MARCHF1: variants seen among roughly 807,000 people sequenced by gnomAD.
The protein encoded by MARCHF1 is E3 ubiquitin-protein ligase MARCHF1.
Under a neutral mutation model 54.2 loss-of-function variants are expected in MARCHF1, and 40 were observed. That is an observed-to-expected ratio of 0.74 (90% CI 0.57 to 0.96). MARCHF1 has a LOEUF of 0.96. Ranked by LOEUF, MARCHF1 falls within the 40% of genes least tolerant of loss-of-function variation. The probability of loss-of-function intolerance (pLI) is 0.00; values close to 1 mark genes in which losing one functional copy is unlikely to be tolerated. For synonymous variants in MARCHF1, 236 were observed against 236.3 expected, an observed-to-expected ratio of 1.00 and a Z score of 0.01; for missense variants, 586 against 656.5, an observed-to-expected ratio of 0.89 and a Z score of 1.17.
rs34642436 is a variant in MARCHF1, at chr4:164,050,275, C to CAAAA, written c.-248+61309_-248+61312dup. Among the ~76,000 whole-genome samples the CAAAA allele has an allele frequency of 9.0e-4, 36 of 40,192 alleles. 1 individual carries two copies. The highest frequency in any genetic ancestry group is 1.9e-3 in the African/African-American group (19 of 10,156). The allele number at this position is 40,192 out of a possible 152,430, so 26.4% of individuals were successfully genotyped here. Reference sequence around the variant, plus strand: ...GGGCGACGGAGCGAGACACTGTCTCCAAAAAAAAAAAAAAAAAAAAAAAAA... The same window carrying CAAAA: ...GGGCGACGGAGCGAGACACTGTCTCCAAAAAAAAAAAAAAAAAAAAAAAAAAAAA... On this transcript the variant is annotated intron_variant, in intron 2 of 9. Coordinates refer to ENST00000514618, the MANE Select transcript of MARCHF1 (RefSeq NM_001394959.1).
chr4:163,711,016 A>T (rs1458197998), intron 4 of MARCHF1, among the ~76,000 whole-genome samples: 1 of 151,984 alleles, frequency 6.6e-6, no homozygotes, highest in East Asian at 1.9e-4. Context: ...GAGAACAAAA[A>T]ACTTGCCACA....
At chr4:164,370,689 A>G (rs865861070) in intron 1 of MARCHF1, among the ~76,000 whole-genome samples, 3 of 152,208 alleles carry the variant, frequency 2.0e-5, no homozygotes, top group African/African-American at 4.8e-5. Flanking sequence ...CGGGCAGATC[A>G]CCTGAGGTCA....
intron 4 of MARCHF1, among the ~76,000 whole-genome samples, chr4:163,749,453 C>T (rs1746456664): frequency 6.6e-6 from 1 of 151,874 alleles, no homozygotes; most frequent in Admixed American, 6.6e-5. Flanking sequence ...CCTGGAAATC[C>T]AGTAAAATAT....
intron 1 of MARCHF1, among the ~76,000 whole-genome samples, chr4:164,146,736 G>T (rs1729756371): frequency 6.6e-6 from 1 of 152,098 alleles, no homozygotes; most frequent in Admixed American, 6.6e-5. Context: ...GAAAACCTAG[G>T]CTTTACCATT....
At chr4:163,873,066 CA>C (rs914185405) in intron 3 of MARCHF1, among the ~76,000 whole-genome samples, 16 of 132,704 alleles carry the variant, frequency 1.2e-4, no homozygotes, top group African/African-American at 4.4e-4. Context: ...AACAAACAAA[CA>C]AAAAAAAACA....
At chr4:163,703,194 A>C (rs1005271585) in intron 4 of MARCHF1, among the ~76,000 whole-genome samples, 1 of 152,178 alleles carries the variant, frequency 6.6e-6, no homozygotes, top group African/African-American at 2.4e-5. Flanking sequence ...AGCTTTCTTT[A>C]AAAATCATGG....
chr4:163,676,427 A>T (rs1743923128), intron 5 of MARCHF1, among the ~76,000 whole-genome samples: 2 of 152,004 alleles, frequency 1.3e-5, no homozygotes, highest in Non-Finnish European at 1.5e-5. Flanking sequence ...AAGCAGCATA[A>T]CAGCAAGAAG....
At chr4:164,022,951 C>T (rs1753695137) in intron 2 of MARCHF1, among the ~76,000 whole-genome samples, 1 of 152,212 alleles carries the variant, frequency 6.6e-6, no homozygotes, top group African/African-American at 2.4e-5. Context: ...CCTGGGAGCA[C>T]TTTCCTGGCA....
intron 2 of MARCHF1, among the ~76,000 whole-genome samples, chr4:164,056,222 G>T (rs1278166660): frequency 6.6e-6 from 1 of 152,128 alleles, no homozygotes; most frequent in African/African-American, 2.4e-5. Context: ...CCTCCAGGCT[G>T]CCCAGGCTCA....
At chr4:163,569,095 A>G (rs1739745400) in intron 8 of MARCHF1, among the ~76,000 whole-genome samples, 1 of 152,120 alleles carries the variant, frequency 6.6e-6, no homozygotes, top group Admixed American at 6.6e-5. Context: ...CCAAATAGTT[A>G]TCACTGGATC....
In MARCHF1 at chr4:163,976,552, G is replaced by A. The variant is rs142266450; in HGVS notation, c.-39+11949C>T. Among the ~76,000 whole-genome samples the A allele has an allele frequency of 2.0e-4, 31 of 152,264 alleles. No homozygotes were observed. In the East Asian group the frequency reaches 4.8e-3, roughly 24 times the overall value. ...CTATATCCACTCCCTTTGCATCTGG[G>A]TAGTTATGGGAGCAATTGTTTTAAC... On this transcript the variant is annotated intron_variant, in intron 3 of 9. Coordinates refer to ENST00000514618, the MANE Select transcript of MARCHF1 (RefSeq NM_001394959.1).
intron 2 of MARCHF1, among the ~76,000 whole-genome samples, chr4:164,006,305 T>TA (rs1325056396): frequency 6.6e-6 from 1 of 151,946 alleles, no homozygotes; most frequent in East Asian, 1.9e-4. Flanking sequence ...ATCATAGAAC[T>TA]AAAAAAGACA....
At chr4:164,065,678 G>T (rs1579505010) in intron 2 of MARCHF1, among the ~76,000 whole-genome samples, 1 of 152,250 alleles carries the variant, frequency 6.6e-6, no homozygotes, top group East Asian at 1.9e-4. Flanking sequence ...GAAGAAAGAA[G>T]CCACTAGTGA....
chr4:163,889,811 C>G (rs1168190788), intron 3 of MARCHF1, among the ~76,000 whole-genome samples: 1 of 148,880 alleles, frequency 6.7e-6, no homozygotes, highest in Non-Finnish European at 1.5e-5. Context: ...ATTTTTCTAG[C>G]AAATGTTCCC....
chr4:164,080,920 A>C (rs1755082203), intron 2 of MARCHF1, among the ~76,000 whole-genome samples: 1 of 151,972 alleles, frequency 6.6e-6, no homozygotes, highest in Non-Finnish European at 1.5e-5. Context: ...ATTAAGAAAT[A>C]TTATTTGGCC....
At chr4:163,577,043 C>T (rs1332666806) in intron 8 of MARCHF1, among the ~76,000 whole-genome samples, 1 of 151,814 alleles carries the variant, frequency 6.6e-6, no homozygotes, top group Non-Finnish European at 1.5e-5. Flanking sequence ...TTAAGTGGGG[C>T]ATTTAGACCA....
In MARCHF1 at chr4:163,835,163, T is replaced by TA. The variant is rs542555344; in HGVS notation, c.111+18857dup. Among the ~76,000 whole-genome samples the TA allele has an allele frequency of 3.9e-4, 60 of 152,350 alleles. No homozygotes were observed. The East Asian group carries it at 9.8e-3, about 25-fold the overall frequency. On this transcript the variant is annotated intron_variant, in intron 4 of 9. Coordinates refer to ENST00000514618, the MANE Select transcript of MARCHF1 (RefSeq NM_001394959.1). ...TCCCAAAGTGCTGAGATAAATGGTA[T>TA]AAACCACCATGTCCGGGCCATGTAA... is the stretch of plus-strand genomic sequence containing the variant.
At chr4:163,566,616 G>A (rs1739653435) in intron 8 of MARCHF1, among the ~76,000 whole-genome samples, 1 of 152,088 alleles carries the variant, frequency 6.6e-6, no homozygotes, top group South Asian at 2.1e-4. Flanking sequence ...TACAATAAAG[G>A]CCAGTGTTAC....
At chr4:163,927,955 G>A (rs1384995247) in intron 3 of MARCHF1, among the ~76,000 whole-genome samples, 1 of 151,698 alleles carries the variant, frequency 6.6e-6, no homozygotes, top group South Asian at 2.1e-4. Context: ...AATGAAGTTT[G>A]TACATTTTCT....
Sources: gnomAD v4.1 joint callset for allele counts (sites outside exome capture counted in the v4.1 genomes callset) on GRCh38, gnomAD v4.1.1 for gene constraint, MANE v1.5 for transcripts, NCBI Gene and HGNC (gene_info 2026-07-23, HGNC 2026-07-21) for gene names.